MCUB: variants seen among roughly 807,000 people sequenced by gnomAD.
MCUB encodes mitochondrial calcium uniporter dominant negative subunit beta, also known as calcium uniporter regulatory subunit MCUb, mitochondrial.
Under a neutral mutation model 41.4 loss-of-function variants are expected in MCUB, and 46 were observed. The observed-to-expected ratio is 1.11, with a 90% CI of 0.88 to 1.42. The LOEUF (loss-of-function observed/expected upper bound fraction) is 1.42, where lower values mean the gene tolerates loss of function less well. MCUB is among the 40% of genes most tolerant of loss of function. MCUB has a pLI of 0.00. For missense variants in MCUB, 403 were observed against 404.9 expected, an observed-to-expected ratio of 1.00 and a Z score of 0.04; for synonymous variants, 148 against 148.2, an observed-to-expected ratio of 1.00 and a Z score of 0.01.
chr4:109,588,866 T>C (rs1022809672), intron 1 of MCUB, among the ~76,000 whole-genome samples: 3 of 152,276 alleles, frequency 2.0e-5, no homozygotes, highest in South Asian at 2.1e-4. Context: ...GGGGACTAAA[T>C]TGGATATAAA....
At chr4:109,594,636 G>A (rs1245250911) in intron 1 of MCUB, among the ~76,000 whole-genome samples, 2 of 151,962 alleles carry the variant, frequency 1.3e-5, no homozygotes, top group African/African-American at 2.4e-5. Flanking sequence ...TCCAGCCTGG[G>A]TGACAGAATG....
chr4:109,560,257 C>T lies in MCUB; in HGVS notation c.-81C>T. On this transcript the variant is annotated 5_prime_UTR_variant, in exon 1 of 8. Coordinates refer to ENST00000394650, the MANE Select transcript of MCUB (RefSeq NM_017918.5). ...GGGCGGGAGCGCCCACAGCTCGGAG[C>T]CACCAGGCGCTGACGAGGAGCCCGG... 1 of 677,578 alleles carries T rather than the reference C, an allele frequency of 1.5e-6. No individual in the cohort carries two copies. The highest frequency in any genetic ancestry group is 2.1e-6 in the Non-Finnish European group (1 of 483,640). 42.0% of individuals were successfully genotyped at this position (677,578 alleles called of 1,614,324 possible). A position where few individuals can be genotyped will look rare whatever the true frequency, so the allele number is the denominator to read the frequency against.
At chr4:109,631,024 A>G (rs906955053) in intron 1 of MCUB, among the ~76,000 whole-genome samples, 1 of 152,208 alleles carries the variant, frequency 6.6e-6, no homozygotes, top group African/African-American at 2.4e-5. Flanking sequence ...TTGATTCTTT[A>G]TATGATAGTT....
At chr4:109,651,180 A>C (rs918300631) in intron 1 of MCUB, among the ~76,000 whole-genome samples, 9 of 152,198 alleles carry the variant, frequency 5.9e-5, no homozygotes, top group Non-Finnish European at 1.2e-4. Flanking sequence ...GAATACACTC[A>C]TGGTTTCCTA....
At chr4:109,657,388 C>T (rs1472905592) in intron 1 of MCUB, among the ~76,000 whole-genome samples, 3 of 151,834 alleles carry the variant, frequency 2.0e-5, no homozygotes, top group Non-Finnish European at 2.9e-5. Context: ...AATGGACCTT[C>T]ATTTGGGTCA....
chr4:109,580,164 G>GAA (rs1727136411), intron 1 of MCUB, among the ~76,000 whole-genome samples: 1 of 152,094 alleles, frequency 6.6e-6, no homozygotes. Context: ...TTTGCTCGGA[G>GAA]TGATGGTTTC....
intron 1 of MCUB, among the ~76,000 whole-genome samples, chr4:109,607,049 T>C (rs1204542462): frequency 6.6e-6 from 1 of 151,784 alleles, no homozygotes. Context: ...GCCTGGTCCA[T>C]AGTTATTATT....
At chr4:109,577,461 A>G (rs1727057679) in intron 1 of MCUB, among the ~76,000 whole-genome samples, 1 of 152,190 alleles carries the variant, frequency 6.6e-6, no homozygotes, top group Middle Eastern at 3.2e-3. Context: ...ATAGGTACTG[A>G]TATTACCCTG....
At chr4:109,680,078 A>G (rs531842060) in intron 4 of MCUB, among the ~76,000 whole-genome samples, 1 of 152,320 alleles carries the variant, frequency 6.6e-6, no homozygotes, top group South Asian at 2.1e-4. Flanking sequence ...CTGGTATTAC[A>G]GGCGTGAACC....
intron 1 of MCUB, among the ~76,000 whole-genome samples, chr4:109,604,024 A>T (rs1025621358): frequency 4.6e-5 from 7 of 151,940 alleles, no homozygotes; most frequent in African/African-American, 1.5e-4. Context: ...AGGAGACTCC[A>T]TTTTGTTCTG....
chr4:109,650,233 A>G (rs1183813372), intron 1 of MCUB, among the ~76,000 whole-genome samples: 5 of 152,176 alleles, frequency 3.3e-5, no homozygotes, highest in African/African-American at 1.2e-4. Flanking sequence ...GTTACAGGGT[A>G]TGGTAGTTTC....
chr4:109,579,254 A>C (rs1278905693), intron 1 of MCUB, among the ~76,000 whole-genome samples: 8 of 129,502 alleles, frequency 6.2e-5, no homozygotes, highest in East Asian at 2.3e-4. Context: ...ATTAAACCTC[A>C]CTTTTTTTTT....
At chr4:109,613,853 C>CTA (rs10637587) in intron 1 of MCUB, among the ~76,000 whole-genome samples, 111,269 of 151,882 alleles carry the variant, frequency 0.73, 41,122 homozygotes, top group African/African-American at 0.83. Context: ...GGTATATACT[C>CTA]TCCATTTTCC....
chr4:109,659,448 G>C (rs1729177186), intron 2 of MCUB, among the ~76,000 whole-genome samples: 1 of 152,100 alleles, frequency 6.6e-6, no homozygotes, highest in Non-Finnish European at 1.5e-5. Context: ...AAATTAGCCA[G>C]GTGTGATGGC....
intron 1 of MCUB, among the ~76,000 whole-genome samples, chr4:109,578,006 A>C (rs1727074306): frequency 6.6e-6 from 1 of 152,238 alleles, no homozygotes; most frequent in South Asian, 2.1e-4. Flanking sequence ...ACTTCAATTA[A>C]TTAAAAGAGA....
intron 4 of MCUB, among the ~76,000 whole-genome samples, chr4:109,676,768 GACAA>G (rs1561250372): frequency 6.6e-6 from 1 of 152,226 alleles, no homozygotes; most frequent in Admixed American, 6.5e-5. Context: ...ATTTAAGAGT[GACAA>G]ACTAATTTAC....
intron 6 of MCUB, 91 bp from the exon 7 acceptor site, chr4:109,685,160 C>A: frequency 1.6e-6 from 1 of 643,222 alleles, no homozygotes; most frequent in Non-Finnish European, 2.8e-6. Context: ...CCTTCTTTTG[C>A]TTTGGTGTTG....
intron 1 of MCUB, among the ~76,000 whole-genome samples, chr4:109,570,967 A>G (rs1250845858): frequency 6.6e-6 from 1 of 152,244 alleles, no homozygotes; most frequent in Non-Finnish European, 1.5e-5. Flanking sequence ...ACTAAGATGT[A>G]TAATGAATTC....
chr4:109,619,229 CCATA>C (rs1248077759), intron 1 of MCUB, among the ~76,000 whole-genome samples: 2 of 152,114 alleles, frequency 1.3e-5, no homozygotes, highest in Non-Finnish European at 2.9e-5. Flanking sequence ...GTGCCTGCCA[CCATA>C]CCCAGCTAAT....
Sources: gnomAD v4.1 joint callset for allele counts (sites outside exome capture counted in the v4.1 genomes callset) on GRCh38, gnomAD v4.1.1 for gene constraint, MANE v1.5 for transcripts, NCBI Gene and HGNC (gene_info 2026-07-23, HGNC 2026-07-21) for gene names.